ZNF407: variants seen among roughly 807,000 people sequenced by gnomAD.
ZNF407 encodes the protein zinc finger protein 407.
Under a neutral mutation model 131.2 loss-of-function variants are expected in ZNF407, and 17 were observed. That is an observed-to-expected ratio of 0.13 (90% CI 0.09 to 0.19). The LOEUF is 0.19. Among genes scored for constraint, ZNF407 ranks in the 10% least tolerant of loss-of-function variants. ZNF407 has a pLI of 1.00. For synonymous variants in ZNF407, 1,156 were observed against 1,062.0 expected, an observed-to-expected ratio of 1.09 and a Z score of -1.72; for missense variants, 2,681 against 2,830.6, an observed-to-expected ratio of 0.95 and a Z score of 1.20.
At chr18:74,833,474 G>A (rs2145120976) in intron 4 of ZNF407, among the ~76,000 whole-genome samples, 1 of 152,332 alleles carries the variant, frequency 6.6e-6, no homozygotes, top group Middle Eastern at 3.4e-3. Context: ...CTTTGAGAGG[G>A]ACCTGCAGGA....
chr18:74,765,342 A>C (rs1171804563), intron 3 of ZNF407, among the ~76,000 whole-genome samples: 1 of 151,924 alleles, frequency 6.6e-6, no homozygotes, highest in East Asian at 1.9e-4. Context: ...TTTTTCATTG[A>C]ATTCTAGACA....
intron 3 of ZNF407, among the ~76,000 whole-genome samples, chr18:74,755,728 C>CCTTTCTTTCTTTCTTTCTTTCTTT (rs765042437): frequency 0.045 from 2,882 of 63,436 alleles, 298 homozygotes; most frequent in East Asian, 0.062. Context: ...TTCTTTCTTT[C>CCTTTCTTTCTTTCTTTCTTTCTTT]CTTTCTTTCT....
At chr18:74,881,849 T>C (rs1310873567) in intron 6 of ZNF407, among the ~76,000 whole-genome samples, 3 of 152,194 alleles carry the variant, frequency 2.0e-5, no homozygotes, top group Non-Finnish European at 4.4e-5. Flanking sequence ...CTGGGCAATT[T>C]ACAAAAGAAA....
intron 4 of ZNF407, among the ~76,000 whole-genome samples, chr18:74,824,023 C>G (rs1970376709): frequency 6.6e-6 from 1 of 152,192 alleles, no homozygotes; most frequent in African/African-American, 2.4e-5. Context: ...TCTCAGACCA[C>G]AGTGGAATCG....
chr18:74,747,245 C>T (rs578060430), intron 3 of ZNF407, among the ~76,000 whole-genome samples: 77 of 151,996 alleles, frequency 5.1e-4, no homozygotes, highest in African/African-American at 1.7e-3. Context: ...AAGTATTTAC[C>T]TGCTTAAACA....
intron 3 of ZNF407, among the ~76,000 whole-genome samples, chr18:74,776,732 T>C (rs551266456): frequency 1.3e-5 from 2 of 152,300 alleles, no homozygotes; most frequent in East Asian, 3.9e-4. Context: ...ACGTAACTAC[T>C]AACAGCCTAT....
chr18:75,063,620 G>A lies in ZNF407; in HGVS notation c.5899G>A (p.Val1967Met). 2 of 1,584,698 alleles carry A rather than the reference G, an allele frequency of 1.3e-6. No individual in the cohort carries two copies. Among genetic ancestry groups the A allele is most frequent in the Non-Finnish European group, 8.6e-7 (1 of 1,166,958 alleles). Residue 1967 changes from valine (V) to methionine (M), a missense_variant, in exon 9 of 9, where the codon GTG becomes ATG. Around this residue, in one of 6 missense-constraint regions of ZNF407, gnomAD observed 620 missense variants for 583.1 expected, o/e 1.06. Transcript: ENST00000299687. This position sits in a 1 kb window ranked among gnomAD's most constrained non-coding sequence, Gnocchi z 6.6. The stretch of plus-strand genomic sequence containing the variant: ...TCCAGGTGGCGCTGTGATACAACAG[G>A]TGACCAAGCAGGAGATTTTAAACCT... ...LSPGGAVIQQ[V>M]TKQEILNLSE...
chr18:74,903,888 A>T (rs905444042), intron 7 of ZNF407, among the ~76,000 whole-genome samples: 13 of 152,216 alleles, frequency 8.5e-5, no homozygotes, highest in Non-Finnish European at 4.4e-5. Flanking sequence ...CTTTGAAAAA[A>T]TGTTTTGGTA....
At chr18:74,913,956 G>A (rs539828175) in intron 7 of ZNF407, among the ~76,000 whole-genome samples, 2 of 152,266 alleles carry the variant, frequency 1.3e-5, no homozygotes, top group East Asian at 3.9e-4. Flanking sequence ...GCCCTATAAG[G>A]CATGGGTCCC....
In ZNF407 at chr18:75,064,229, T is replaced by C; in HGVS notation, c.6508T>C (p.Tyr2170His). ...CGGCTTCTCCGAGGGCACCACGCAC[T>C]ACATCCTGACAGAGCTGCCCCCAGG... The part of the protein sequence containing the change: ...SGGFSEGTTH[Y>H]ILTELPPGVQ... The change falls in exon 9 of 9, where the codon TAC becomes CAC. Residue 2170 changes from tyrosine to histidine, a missense_variant. Coordinates refer to ENST00000299687, the MANE Select transcript of ZNF407 (RefSeq NM_017757.3). 1 of 1,607,602 alleles carries C rather than the reference T, an allele frequency of 6.2e-7. No individual in the cohort carries two copies. The highest frequency in any genetic ancestry group is 8.5e-7 in the Non-Finnish European group (1 of 1,178,538).
At chr18:74,730,835 G>C (rs1280992777) in intron 3 of ZNF407, among the ~76,000 whole-genome samples, 9 of 152,164 alleles carry the variant, frequency 5.9e-5, no homozygotes, top group Non-Finnish European at 1.2e-4. Flanking sequence ...AGGTTTAAAT[G>C]AGCATTTTGT....
intron 8 of ZNF407, among the ~76,000 whole-genome samples, chr18:74,974,903 G>A (rs1042515512): frequency 1.3e-5 from 2 of 152,140 alleles, no homozygotes; most frequent in Non-Finnish European, 2.9e-5. Context: ...TCTTTGGGAG[G>A]ACAAGAATGA....
At chr18:74,981,989 A>G (rs1972598370) in intron 8 of ZNF407, among the ~76,000 whole-genome samples, 1 of 152,236 alleles carries the variant, frequency 6.6e-6, no homozygotes, top group South Asian at 2.1e-4. Flanking sequence ...GGAATTCAGC[A>G]CACAGCCAAT....
chr18:74,889,936 G>A lies in ZNF407; in HGVS notation c.5147G>A (p.Cys1716Tyr). The A allele has an allele frequency of 6.2e-7, 1 of 1,608,636 alleles. No homozygotes were observed. Among genetic ancestry groups the A allele is most frequent in the Non-Finnish European group, 8.5e-7 (1 of 1,177,438 alleles). Residue 1716 changes from cysteine to tyrosine, a missense_variant, in exon 7 of 9, where the codon TGC (cysteine) becomes TAC (tyrosine). By Grantham distance (194) the Cys-to-Tyr change is radical. Around this residue, in one of 6 missense-constraint regions of ZNF407, gnomAD observed 20 missense variants for 56.4 expected, o/e 0.35. Coordinates refer to ENST00000299687, the MANE Select transcript of ZNF407 (RefSeq NM_017757.3). ...RQHTGEKPFK[C>Y]DECNFASTTQ... ...ATTACAGGAGAAAAACCTTTCAAGT[G>A]CGATGAGTGTAACTTTGCCTCCACA...
At chr18:74,805,081 T>C (rs17244067) in intron 4 of ZNF407, among the ~76,000 whole-genome samples, 25,811 of 152,154 alleles carry the variant, frequency 0.17, 2,562 homozygotes, top group Non-Finnish European at 0.23. Context: ...ATGACCTCTT[T>C]TTTCCCCCCA....
intron 4 of ZNF407, among the ~76,000 whole-genome samples, chr18:74,786,000 A>G (rs1484475156): frequency 1.3e-5 from 2 of 152,218 alleles, no homozygotes; most frequent in African/African-American, 4.8e-5. Context: ...ACAAGCTTAG[A>G]TGATGTTATA....
intron 8 of ZNF407, among the ~76,000 whole-genome samples, chr18:74,939,592 A>G (rs1391967784): frequency 6.6e-6 from 1 of 152,244 alleles, no homozygotes; most frequent in Non-Finnish European, 1.5e-5. Context: ...TCACTACATC[A>G]AAACAGTGAG....
At chr18:75,031,930 A>T (rs997955648) in intron 8 of ZNF407, among the ~76,000 whole-genome samples, 2 of 152,228 alleles carry the variant, frequency 1.3e-5, no homozygotes, top group African/African-American at 4.8e-5. Context: ...CTGATCCAGG[A>T]AAACATGTTA....
At chr18:74,621,768 G>T (rs1440264267) in intron 1 of ZNF407, among the ~76,000 whole-genome samples, 2 of 152,312 alleles carry the variant, frequency 1.3e-5, no homozygotes, top group East Asian at 3.9e-4. Flanking sequence ...CCTTTAAAGG[G>T]AATGTCAAAA....
Sources: allele counts gnomAD v4.1 joint callset (sites outside exome capture counted in the v4.1 genomes callset), GRCh38; gene constraint gnomAD v4.1.1; regional missense constraint gnomAD v4.1.1; non-coding constraint Gnocchi (gnomAD v3.1); transcripts MANE v1.5; gene names NCBI Gene and HGNC (gene_info 2026-07-23, HGNC 2026-07-21).